The following LAMA4 variants were observed in gnomAD, a reference collection of about 807,000 sequenced individuals.
LAMA4 encodes laminin subunit alpha 4.
LAMA4 carries 127 observed loss-of-function variants against 207.1 expected under a neutral mutation model. The ratio of observed to expected loss-of-function variants is 0.61; its 90% CI spans 0.53 to 0.71. The LOEUF (loss-of-function observed/expected upper bound fraction) is 0.71. LAMA4 is among the 30% of genes least tolerant of loss of function. LAMA4 has a pLI of 0.00. For synonymous variants in LAMA4, 761 were observed against 816.0 expected (o/e 0.93, Z 1.15); for missense variants, 2,093 against 2,246.5 (o/e 0.93, Z 1.38).
At chr6:112,195,610 G>T (rs1360464278) in intron 5 of LAMA4, among the ~76,000 whole-genome samples, 1 of 151,986 alleles carries the variant, frequency 6.6e-6, no homozygotes, top group African/African-American at 2.4e-5. Context: ...TCTGTTAGGG[G>T]TTTAAGTCAC....
intron 24 of LAMA4, among the ~76,000 whole-genome samples, chr6:112,137,872 A>T (rs1779447743): frequency 6.6e-6 from 1 of 152,192 alleles, no homozygotes; most frequent in Non-Finnish European, 1.5e-5. Flanking sequence ...AGTAGTATGA[A>T]TCCTACTAGT....
chr6:112,117,715 T>C lies in LAMA4; in HGVS notation c.4981+24A>G. 1 of 1,608,098 alleles carries C rather than the reference T, an allele frequency of 6.2e-7. No homozygotes were observed. Among genetic ancestry groups the C allele is most frequent in the Non-Finnish European group, 8.5e-7 (1 of 1,175,262 alleles). On this transcript the variant is annotated intron_variant, in intron 35 of 38. Coordinates refer to ENST00000230538, the MANE Select transcript of LAMA4 (RefSeq NM_001105206.3). The surrounding 1 kb of genome is among the most constrained non-coding windows in gnomAD (Gnocchi z 4.5). The stretch of plus-strand genomic sequence containing the variant: ...CCAGGAAGAAGCATTTCATGACTCA[T>C]ATTTTTAACATGACTAATGTTACCT...
chr6:112,242,368 G>C (rs781923460), intron 2 of LAMA4, among the ~76,000 whole-genome samples: 1 of 152,172 alleles, frequency 6.6e-6, no homozygotes, highest in Non-Finnish European at 1.5e-5. Context: ...CCCCTTACTA[G>C]ACTTAGCCAT....
intron 14 of LAMA4, 53 bp downstream of exon 14, chr6:112,158,679 A>T: frequency 1.3e-6 from 2 of 1,487,894 alleles, no homozygotes; most frequent in African/African-American, 1.4e-5. Flanking sequence ...ATTGAATAGT[A>T]ATATTTTATT....
At chr6:112,200,021 G>A (rs1451331367) in intron 5 of LAMA4, 2 of 486,866 alleles carry the variant, frequency 4.1e-6, no homozygotes, top group Non-Finnish European at 8.4e-6. Context: ...AATGCTAATG[G>A]CATTTCTGTT....
intron 3 of LAMA4, among the ~76,000 whole-genome samples, chr6:112,215,403 T>C (rs1562742433): frequency 6.6e-6 from 1 of 152,254 alleles, no homozygotes; most frequent in Admixed American, 6.5e-5. Flanking sequence ...ATCACTTTCA[T>C]GTACACACCT....
At chr6:112,130,153 T>C in intron 29 of LAMA4, 113 bp from the exon 30 acceptor site, 2 of 887,672 alleles carry the variant, frequency 2.3e-6, no homozygotes, top group Non-Finnish European at 3.7e-6. Context: ...ATGTGGTTAA[T>C]GAAAAGACAG....
Position 112,117,972 on chromosome 6 carries a change from T to G in LAMA4, c.4822-74A>C, listed in dbSNP as rs1554324607. The G allele has an allele frequency of 7.7e-7, 1 of 1,306,680 alleles. No individual in the cohort carries two copies. The highest frequency in any genetic ancestry group is 1.7e-5 in the Admixed American group (1 of 58,728). 80.9% of individuals were successfully genotyped at this position (1,306,680 alleles called of 1,614,324 possible). ...ACCAAGGGGAAGCAAAATGAGGGGG[T>G]TTGAGTCCTGAAGGAACCCACGTAA... On this transcript the variant is annotated intron_variant, in intron 34 of 38. Transcript: ENST00000230538. This position sits in a 1 kb window ranked among gnomAD's most constrained non-coding sequence, Gnocchi z 4.5.
chr6:112,201,774 G>C lies in LAMA4; in HGVS notation c.423-86C>G. Reference sequence around the variant, plus strand: ...CTTTTTATCAGATTACCTCTATGTTGGTCCCATTAAAGTTCTAATGGGTGC... The same window carrying C: ...CTTTTTATCAGATTACCTCTATGTTCGTCCCATTAAAGTTCTAATGGGTGC... On this transcript the variant is annotated intron_variant, in intron 4 of 38. Coordinates refer to ENST00000230538, the MANE Select transcript of LAMA4 (RefSeq NM_001105206.3). 3 of 1,124,208 alleles carry C rather than the reference G, an allele frequency of 2.7e-6. No individual in the cohort carries two copies. In the Admixed American group the frequency reaches 5.1e-5, roughly 19 times the overall value. The allele number at this position is 1,124,208 out of a possible 1,614,324, so 69.6% of individuals were successfully genotyped here. A position where few individuals can be genotyped will look rare whatever the true frequency, so the allele number is the denominator to read the frequency against.
chr6:112,141,538 AAATTCATAAG>A (rs782339131), intron 20 of LAMA4, 35 bp from the exon 21 acceptor site: 1 of 1,479,816 alleles, frequency 6.8e-7, no homozygotes, highest in Non-Finnish European at 9.5e-7. Context: ...CATTTAAATA[AAATTCATAAG>A]AATGAACATC....
At chr6:112,210,018 CCTCTCTCTCT>C (rs142361813) in intron 3 of LAMA4, among the ~76,000 whole-genome samples, 1 of 148,772 alleles carries the variant, frequency 6.7e-6, no homozygotes, top group African/African-American at 2.5e-5. Context: ...TTGTGCTCTC[CCTCTCTCTCT>C]CTCTCTCCCC....
At chr6:112,120,712 T>C (rs1778303533) in intron 32 of LAMA4, among the ~76,000 whole-genome samples, 1 of 152,204 alleles carries the variant, frequency 6.6e-6, no homozygotes, top group African/African-American at 2.4e-5. Context: ...TGAGGAAATG[T>C]TGTTTCAGTT....
At chr6:112,184,205 T>C (rs1326973310) in intron 9 of LAMA4, among the ~76,000 whole-genome samples, 2 of 152,098 alleles carry the variant, frequency 1.3e-5, no homozygotes, top group Non-Finnish European at 2.9e-5. Flanking sequence ...GAGAATACTA[T>C]TGTTATTTTA....
chr6:112,207,205 A>G, intron 3 of LAMA4, 60 bp from the exon 4 acceptor site: 1 of 1,584,106 alleles, frequency 6.3e-7, no homozygotes, highest in Non-Finnish European at 8.7e-7. Context: ...GAGACAGCAC[A>G]TCTAAGCATC....
chr6:112,112,950 A>T (rs1037980868), intron 38 of LAMA4, among the ~76,000 whole-genome samples: 2 of 152,202 alleles, frequency 1.3e-5, no homozygotes, highest in Non-Finnish European at 2.9e-5. Flanking sequence ...ACTCACATAC[A>T]TGAGCTTAAG....
intron 9 of LAMA4, 37 bp downstream of exon 9, chr6:112,185,200 G>T: frequency 1.5e-6 from 2 of 1,354,570 alleles, no homozygotes; most frequent in Non-Finnish European, 2.1e-6. Flanking sequence ...TCCTTTCTTT[G>T]AAGGCTGTCC....
chr6:112,229,772 A>G (rs1452034802), intron 2 of LAMA4, among the ~76,000 whole-genome samples: 6 of 152,236 alleles, frequency 3.9e-5, no homozygotes, highest in Admixed American at 1.3e-4. Flanking sequence ...TTCCTCTATC[A>G]TAATTTATAA....
rs565010008 is a variant in LAMA4, at chr6:112,254,084, G to C, written c.67C>G (p.Arg23Gly). The change falls in exon 2 of 39, where the codon CGC becomes GGC. Residue 23 changes from arginine (R) to glycine (G), a missense_variant. Physicochemically the swap from Arg to Gly is moderately radical, Grantham distance 125. Around this residue, in one of 3 missense-constraint regions of LAMA4, gnomAD observed 1,704 missense variants for 1,788.4 expected, o/e 0.95. Coordinates refer to ENST00000230538, the MANE Select transcript of LAMA4 (RefSeq NM_001105206.3). ...LWLLWSAACS[R>G]AASGDDNAFP... ...GCGTTGTCGTCCCCGGACGCGGCGC[G>C]GGAGCAGGCAGCGCTCCAGAGGAGC... 1 of 1,612,138 alleles carries C rather than the reference G, an allele frequency of 6.2e-7. No individual in the cohort carries two copies. The highest frequency in any genetic ancestry group is 1.1e-5 in the South Asian group (1 of 90,778).
At chr6:112,203,066 G>T (rs1783851203) in intron 4 of LAMA4, among the ~76,000 whole-genome samples, 1 of 152,134 alleles carries the variant, frequency 6.6e-6, no homozygotes, top group Admixed American at 6.5e-5. Flanking sequence ...CATGACCACT[G>T]GTCTCTGTGG....
Sources: gnomAD v4.1 joint callset for allele counts (sites outside exome capture counted in the v4.1 genomes callset) on GRCh38, gnomAD v4.1.1 for gene constraint, gnomAD v4.1.1 regional missense constraint, Gnocchi (gnomAD v3.1) non-coding constraint, MANE v1.5 for transcripts, NCBI Gene and HGNC (gene_info 2026-07-23, HGNC 2026-07-21) for gene names.